The following NRP2 variants were observed in gnomAD, a reference collection of about 807,000 sequenced individuals.
NRP2 encodes neuropilin 2.
In NRP2, 52 loss-of-function variants were observed where a neutral mutation model predicts 110.4. The ratio of observed to expected loss-of-function variants is 0.47; its 90% CI spans 0.38 to 0.59. The LOEUF (loss-of-function observed/expected upper bound fraction) is 0.59. NRP2 is among the 20% of genes least tolerant of loss of function. The pLI, the probability that NRP2 is intolerant of heterozygous loss-of-function variation, is 0.00. For missense variants in NRP2, 1,049 were observed against 1,203.0 expected (o/e 0.87, Z 1.89); for synonymous variants, 508 against 468.9 (o/e 1.08, Z -1.08).
chr2:205,784,114 T>C (rs1385036051), intron 15 of NRP2, among the ~76,000 whole-genome samples: 1 of 152,136 alleles, frequency 6.6e-6, no homozygotes, highest in African/African-American at 2.4e-5. Context: ...TGCTCCAGAA[T>C]TGGAATGATA....
chr2:205,744,957 G>A (rs2057510214), intron 9 of NRP2, among the ~76,000 whole-genome samples: 1 of 152,198 alleles, frequency 6.6e-6, no homozygotes, highest in Non-Finnish European at 1.5e-5. Context: ...AGTGCTTCTG[G>A]TTCAGAATTG....
At chr2:205,765,987 A>G (rs2057911779) in intron 14 of NRP2, among the ~76,000 whole-genome samples, 1 of 152,250 alleles carries the variant, frequency 6.6e-6, no homozygotes, top group African/African-American at 2.4e-5. Flanking sequence ...TAAGAGTGAT[A>G]ACACAATTAC....
chr2:205,765,634 G>A (rs1277288781), intron 14 of NRP2, 64 bp downstream of exon 14: 1 of 1,376,312 alleles, frequency 7.3e-7, no homozygotes, highest in East Asian at 2.3e-5. Flanking sequence ...GGATAAGCAA[G>A]AGGAGGCAGG....
chr2:205,712,991 G>C (rs2056828113), intron 2 of NRP2, among the ~76,000 whole-genome samples: 1 of 152,202 alleles, frequency 6.6e-6, no homozygotes, highest in Non-Finnish European at 1.5e-5. Flanking sequence ...TTTCAAAAAT[G>C]CATCCCTTCT....
At chr2:205,718,937 C>T (rs1254603544) in intron 3 of NRP2, among the ~76,000 whole-genome samples, 1 of 53,460 alleles carries the variant, frequency 1.9e-5, no homozygotes, top group African/African-American at 4.9e-5. Flanking sequence ...AGCGAAATTC[C>T]ATCTCAAAAA....
intron 2 of NRP2, chr2:205,700,580 T>G: frequency 2.7e-6 from 1 of 376,150 alleles, no homozygotes; most frequent in Admixed American, 3.2e-5. Flanking sequence ...TCCTGGGCTG[T>G]GGCCCCTGGG....
chr2:205,711,697 A>T (rs556609527), intron 2 of NRP2, among the ~76,000 whole-genome samples: 1 of 152,344 alleles, frequency 6.6e-6, no homozygotes, highest in Non-Finnish European at 1.5e-5. Context: ...ACGTAGACCC[A>T]AAAGAAGGGG....
Position 205,752,827 on chromosome 2 carries a change from C to A in NRP2, c.1904-8C>A. 1 of 1,614,076 alleles carries A rather than the reference C, an allele frequency of 6.2e-7. No homozygotes were observed. Among genetic ancestry groups the A allele is most frequent in the Non-Finnish European group, 8.5e-7 (1 of 1,179,988 alleles). Reference sequence around the variant, plus strand: ...GCCTTCCTTTGGGTTATTGTTTTCCCCTTTTAGACAAAGATTTGCAGCTCC... The same window carrying A: ...GCCTTCCTTTGGGTTATTGTTTTCCACTTTTAGACAAAGATTTGCAGCTCC... On this transcript the variant is annotated splice_region_variant and splice_polypyrimidine_tract_variant and intron_variant, in intron 11 of 16. Coordinates refer to ENST00000357785, the MANE Select transcript of NRP2 (RefSeq NM_003872.3).
At chr2:205,782,757 C>T (rs1005676998) in intron 15 of NRP2, among the ~76,000 whole-genome samples, 6 of 152,140 alleles carry the variant, frequency 3.9e-5, no homozygotes, top group African/African-American at 1.4e-4. Flanking sequence ...AATGCATCTA[C>T]CCCATCCTTT....
chr2:205,687,551 C>A (rs1285266918), intron 1 of NRP2, among the ~76,000 whole-genome samples: 1 of 152,206 alleles, frequency 6.6e-6, no homozygotes, highest in Non-Finnish European at 1.5e-5. Flanking sequence ...CCCGGGCAGG[C>A]CCCTACTCGT....
intron 8 of NRP2, among the ~76,000 whole-genome samples, chr2:205,741,368 G>T (rs1334070534): frequency 6.6e-6 from 1 of 152,204 alleles, no homozygotes; most frequent in Non-Finnish European, 1.5e-5. Flanking sequence ...GACATTACCT[G>T]GTGAAGAAGG....
chr2:205,781,747 C>T (rs2058176501), intron 15 of NRP2, among the ~76,000 whole-genome samples: 1 of 152,050 alleles, frequency 6.6e-6, no homozygotes, highest in South Asian at 2.1e-4. Context: ...AAAGAAAACA[C>T]AAAACAAATC....
intron 2 of NRP2, among the ~76,000 whole-genome samples, chr2:205,713,234 G>A (rs2056832712): frequency 6.6e-6 from 1 of 152,158 alleles, no homozygotes; most frequent in African/African-American, 2.4e-5. Context: ...GGATGGCAGG[G>A]CCTCTCTTTG....
chr2:205,690,564 C>T (rs2105870789), intron 1 of NRP2, among the ~76,000 whole-genome samples: 1 of 146,482 alleles, frequency 6.8e-6, no homozygotes, highest in South Asian at 2.2e-4. Flanking sequence ...AGCAAGACCC[C>T]ATCCCTGCTA....
intron 8 of NRP2, 21 bp from the exon 9 acceptor site, chr2:205,743,182 A>G: frequency 6.2e-7 from 1 of 1,607,330 alleles, no homozygotes; most frequent in Non-Finnish European, 8.5e-7. Flanking sequence ...GACCTCTTGT[A>G]TCTTCCTCTC....
chr2:205,756,219 C>T (rs1219716345), intron 12 of NRP2, among the ~76,000 whole-genome samples: 1 of 152,040 alleles, frequency 6.6e-6, no homozygotes, highest in East Asian at 1.9e-4. Context: ...CCTCTGGGGA[C>T]CCTGTTCCAA....
At position 205,734,693 on chromosome 2, in the gene NRP2, CT is replaced by C. The variant is rs977045286; in HGVS notation, c.1147-5823del. On this transcript the variant is annotated intron_variant, in intron 7 of 16. Transcript: ENST00000357785. Reference sequence around the variant, plus strand: ...TCCTGCCACTTTTCTCTTCTGCCTGCTTTGTTTTCCCCCTTCTTGAGTGTCT... The same window carrying C: ...TCCTGCCACTTTTCTCTTCTGCCTGCTTGTTTTCCCCCTTCTTGAGTGTCT... 9.0e-4 allele frequency among the ~76,000 whole-genome samples: 137 copies of C among 152,242 alleles called. 1 individual carries two copies. Among genetic ancestry groups the C allele is most frequent in the African/African-American group, 3.2e-3 (134 of 41,536 alleles).
chr2:205,706,661 C>G (rs1406397563), intron 2 of NRP2, among the ~76,000 whole-genome samples: 7 of 152,016 alleles, frequency 4.6e-5, no homozygotes, highest in African/African-American at 1.5e-4. Flanking sequence ...GGGTAAGAAA[C>G]TATTATTTTG....
At chr2:205,744,007 G>A (rs1319003103) in intron 9 of NRP2, among the ~76,000 whole-genome samples, 1 of 152,188 alleles carries the variant, frequency 6.6e-6, no homozygotes, top group African/African-American at 2.4e-5. Context: ...GCCTCTCAAA[G>A]TGCTGGGATT....
Sources: allele counts gnomAD v4.1 joint callset (sites outside exome capture counted in the v4.1 genomes callset), GRCh38; gene constraint gnomAD v4.1.1; transcripts MANE v1.5; gene names NCBI Gene and HGNC (gene_info 2026-07-23, HGNC 2026-07-21).